SYTL3: variants seen among roughly 807,000 people sequenced by gnomAD.
The protein encoded by SYTL3 is synaptotagmin-like protein 3.
Under a neutral mutation model 82.1 loss-of-function variants are expected in SYTL3, and 88 were observed. The ratio of observed to expected loss-of-function variants is 1.07; its 90% CI spans 0.90 to 1.28. SYTL3 has a LOEUF of 1.28. Ranked by LOEUF, SYTL3 falls within the 50% of genes most tolerant of loss-of-function variation. SYTL3 has a pLI of 0.00. For missense variants in SYTL3, 831 were observed against 757.6 expected (o/e 1.10, Z -1.14); for synonymous variants, 311 against 289.4 (o/e 1.07, Z -0.76).
intron 2 of SYTL3, among the ~76,000 whole-genome samples, chr6:158,655,139 T>C (rs1788526377): frequency 6.6e-6 from 1 of 152,190 alleles, no homozygotes; most frequent in Non-Finnish European, 1.5e-5. Context: ...AGCTATGAGA[T>C]TGTGAATTCC....
At chr6:158,676,760 CT>C (rs1216132023) in intron 5 of SYTL3, among the ~76,000 whole-genome samples, 1 of 152,208 alleles carries the variant, frequency 6.6e-6, no homozygotes, top group Non-Finnish European at 1.5e-5. Context: ...TGAACAGACA[CT>C]TCTCAAAAGA....
intron 10 of SYTL3, among the ~76,000 whole-genome samples, chr6:158,724,858 T>C (rs1235217851): frequency 6.6e-6 from 1 of 152,012 alleles, no homozygotes; most frequent in African/African-American, 2.4e-5. Flanking sequence ...CTACTAAAAA[T>C]ACAAAAATTA....
intron 8 of SYTL3, among the ~76,000 whole-genome samples, chr6:158,713,291 CTGT>C (rs1431410792): frequency 6.6e-6 from 1 of 152,096 alleles, no homozygotes; most frequent in Non-Finnish European, 1.5e-5. Flanking sequence ...GAACTCCTTT[CTGT>C]TGTTTTATCT....
rs187679627 is a variant in SYTL3, at chr6:158,727,260, C to T, written c.855+1623C>T. Among the ~76,000 whole-genome samples, 163 of 152,104 alleles carry T rather than the reference C, an allele frequency of 1.1e-3. 2 individuals are homozygous for T. Among genetic ancestry groups the T allele is most frequent in the Non-Finnish European group, 3.5e-4 (24 of 67,994 alleles). ...TGCCATCTCAGCTCACTGCAGCCTC[C>T]GCCTCCCAGTTCAAATGATGGTCAT... On this transcript the variant is annotated intron_variant, in intron 11 of 17. Coordinates refer to ENST00000611299, the MANE Select transcript of SYTL3 (RefSeq NM_001242394.2).
In SYTL3 at chr6:158,718,099, C is replaced by A. The variant is rs1321770330; in HGVS notation, c.608C>A (p.Ser203Tyr). The A allele has an allele frequency of 2.6e-6, 4 of 1,540,984 alleles. No homozygotes were observed. The highest frequency in any genetic ancestry group is 1.2e-5 in the South Asian group (1 of 82,596). Residue 203 changes from serine (S) to tyrosine (Y), a missense_variant, in exon 10 of 18, where the codon TCC becomes TAC. By Grantham distance (144) the Ser-to-Tyr change is moderately radical. Coordinates refer to ENST00000611299, the MANE Select transcript of SYTL3 (RefSeq NM_001242394.2). ...LATHVKKLSK[S>Y]QNDMTSEKHL... is the part of the protein sequence containing the mutation. ...GTTTGCCTTTTAGAGCTCTCCAAAT[C>A]CCAGAATGATATGACTTCTGAGAAG... is the stretch of plus-strand genomic sequence containing the variant.
intron 12 of SYTL3, among the ~76,000 whole-genome samples, chr6:158,748,247 A>G (rs762630584): frequency 6.6e-5 from 10 of 152,148 alleles, no homozygotes; most frequent in Non-Finnish European, 1.0e-4. Flanking sequence ...AAAGAAATCA[A>G]TTGTTGATTT....
chr6:158,714,748 C>T (rs943435202), intron 9 of SYTL3, among the ~76,000 whole-genome samples: 37 of 152,188 alleles, frequency 2.4e-4, no homozygotes, highest in South Asian at 1.2e-3. Context: ...TGTTTCTGCT[C>T]GGCTTCTCTT....
chr6:158,737,167 T>C (rs2128499043), intron 11 of SYTL3, among the ~76,000 whole-genome samples: 1 of 152,314 alleles, frequency 6.6e-6, no homozygotes, highest in East Asian at 1.9e-4. Context: ...TCTAAGTCTT[T>C]TTCCGTGTGT....
intron 12 of SYTL3, among the ~76,000 whole-genome samples, chr6:158,750,685 CTT>C (rs1226979860): frequency 6.6e-6 from 1 of 152,074 alleles, no homozygotes; most frequent in African/African-American, 2.4e-5. Flanking sequence ...ACCCAGTTGA[CTT>C]TTAAATTTTT....
intron 10 of SYTL3, among the ~76,000 whole-genome samples, chr6:158,718,662 G>A (rs953399833): frequency 3.9e-5 from 6 of 152,228 alleles, no homozygotes; most frequent in East Asian, 1.9e-4. Flanking sequence ...CTCTTCCCCC[G>A]CTGTCCACAC....
intron 10 of SYTL3, among the ~76,000 whole-genome samples, chr6:158,722,057 C>T (rs1014601513): frequency 6.6e-6 from 1 of 152,208 alleles, no homozygotes; most frequent in South Asian, 2.1e-4. Flanking sequence ...AATTATAGAA[C>T]ACGGTGGCCC....
intron 2 of SYTL3, among the ~76,000 whole-genome samples, chr6:158,657,696 A>G (rs1435737152): frequency 1.3e-5 from 2 of 152,168 alleles, no homozygotes; most frequent in Non-Finnish European, 2.9e-5. Context: ...ATGTTTGCAT[A>G]CATCAAATCA....
At chr6:158,653,068 G>C (rs1788226860) in intron 2 of SYTL3, among the ~76,000 whole-genome samples, 1 of 152,218 alleles carries the variant, frequency 6.6e-6, no homozygotes, top group African/African-American at 2.4e-5. Flanking sequence ...CTTCATTTCT[G>C]TGTCAGACTT....
At chr6:158,745,263 A>G (rs749440340) in intron 11 of SYTL3, among the ~76,000 whole-genome samples, 1 of 150,890 alleles carries the variant, frequency 6.6e-6, no homozygotes, top group Non-Finnish European at 1.5e-5. Flanking sequence ...CAAAAACTGT[A>G]TCTAGGCAAG....
chr6:158,757,218 T>G lies in SYTL3; in HGVS notation c.1145T>G (p.Val382Gly). 1 of 1,607,994 alleles carries G rather than the reference T, an allele frequency of 6.2e-7. No individual in the cohort carries two copies. Among genetic ancestry groups the G allele is most frequent in the Non-Finnish European group, 8.5e-7 (1 of 1,179,522 alleles). The change falls in exon 14 of 18, where the codon GTG becomes GGG. Residue 382 changes from valine to glycine, a missense_variant. Val to Gly is a moderately radical substitution (Grantham distance 109). Coordinates refer to ENST00000611299, the MANE Select transcript of SYTL3 (RefSeq NM_001242394.2). Reference sequence around the variant, plus strand: ...TCTTCCTTGCCTCTGCAGTATCAGGTGGCCCCTGCCCAGCTGGTGACCCGG... The same window carrying G: ...TCTTCCTTGCCTCTGCAGTATCAGGGGGCCCCTGCCCAGCTGGTGACCCGG... Reference protein sequence around the residue: ...PTFQETLKYQVAPAQLVTRQL... With the variant: ...PTFQETLKYQGAPAQLVTRQL...
intron 2 of SYTL3, among the ~76,000 whole-genome samples, chr6:158,652,555 AT>A (rs1163776723): frequency 7.0e-6 from 1 of 141,878 alleles, no homozygotes; most frequent in Non-Finnish European, 1.5e-5. Flanking sequence ...GGCCTTATTT[AT>A]TTTTTTGAGA....
chr6:158,650,015 A>G (rs374435246), upstream of SYTL3: 2 of 152,190 alleles, frequency 1.3e-5, no homozygotes, highest in East Asian at 3.9e-4. Flanking sequence ...TACTCTAACA[A>G]GAAGAATTGA....
chr6:158,646,259 G>T (rs1440421095), upstream of SYTL3, among the ~76,000 whole-genome samples: 2 of 152,102 alleles, frequency 1.3e-5, no homozygotes, highest in African/African-American at 4.8e-5. Flanking sequence ...TTGAACTCCT[G>T]GGCTCAAGGT....
chr6:158,711,743 A>G, intron 8 of SYTL3, among the ~76,000 whole-genome samples: 1 of 152,152 alleles, frequency 6.6e-6, no homozygotes, highest in East Asian at 1.9e-4. Flanking sequence ...CAAGGGGTGG[A>G]TTATTCATGC....
Sources: allele counts gnomAD v4.1 joint callset (sites outside exome capture counted in the v4.1 genomes callset), GRCh38; gene constraint gnomAD v4.1.1; transcripts MANE v1.5; gene names NCBI Gene and HGNC (gene_info 2026-07-23, HGNC 2026-07-21).